FBXW10B: variants seen among roughly 807,000 people sequenced by gnomAD.
The protein encoded by FBXW10B is F-box and WD repeat domain containing protein 10B.
the FBXW10B span, among the ~76,000 whole-genome samples, chr17:15,587,889 A>T: frequency 6.6e-6 from 1 of 152,218 alleles, no homozygotes; most frequent in East Asian, 1.9e-4. Context: ...CACTACACAA[A>T]CATACCTTAC....
the FBXW10B span, among the ~76,000 whole-genome samples, chr17:15,604,745 GC>G: frequency 3.3e-5 from 5 of 152,074 alleles, no homozygotes; most frequent in Admixed American, 3.3e-4. Flanking sequence ...CACCATGTTA[GC>G]CAGGATGGTC....
At chr17:15,587,047 A>G in the FBXW10B span, among the ~76,000 whole-genome samples, 5,189 of 151,586 alleles carry the variant, frequency 0.034, 457 homozygotes, top group African/African-American at 0.11. Flanking sequence ...TAGTCACTAT[A>G]AGGAACGAAA....
chr17:15,566,037 G>C, the FBXW10B span: 1 of 1,609,480 alleles, frequency 6.2e-7, no homozygotes, highest in Admixed American at 1.7e-5. Flanking sequence ...GGATTTCAAG[G>C]GGAATACTGG....
the FBXW10B span, among the ~76,000 whole-genome samples, chr17:15,580,425 C>A: frequency 9.3e-5 from 14 of 150,954 alleles, no homozygotes; most frequent in South Asian, 3.0e-3. Context: ...GCAAGAGCAC[C>A]AACGTTTAAA....
chr17:15,593,435 CT>C, the FBXW10B span: 1 of 1,614,142 alleles, frequency 6.2e-7, no homozygotes, highest in South Asian at 1.1e-5. Context: ...AAATTCGGAT[CT>C]TGCCATCTGC....
At chr17:15,580,323 T>C in the FBXW10B span, among the ~76,000 whole-genome samples, 6 of 152,286 alleles carry the variant, frequency 3.9e-5, no homozygotes, top group Non-Finnish European at 7.4e-5. Context: ...CAGATTGTTC[T>C]TATATAAATT....
the FBXW10B span, among the ~76,000 whole-genome samples, chr17:15,602,093 G>C: frequency 2.0e-5 from 3 of 148,072 alleles, no homozygotes; most frequent in South Asian, 2.1e-4. Flanking sequence ...GCCTGGGCGA[G>C]AGAGCGAGAC....
the FBXW10B span, chr17:15,605,588 A>T: frequency 1.1e-6 from 1 of 922,362 alleles, no homozygotes; most frequent in Non-Finnish European, 1.3e-6. Flanking sequence ...ACAGGCTCTG[A>T]GGGATCCCCA....
chr17:15,566,948 G>A, the FBXW10B span, among the ~76,000 whole-genome samples: 1 of 151,756 alleles, frequency 6.6e-6, no homozygotes, highest in East Asian at 1.9e-4. Flanking sequence ...TGCAACAGAT[G>A]TGATTTCAAT....
At chr17:15,565,568 C>T in the FBXW10B span, 1 of 1,613,820 alleles carries the variant, frequency 6.2e-7, no homozygotes, top group Admixed American at 1.7e-5. Flanking sequence ...TCAGGGGCCG[C>T]TGTTTTCCCT....
chr17:15,572,684 T>C, the FBXW10B span: 1 of 149,390 alleles, frequency 6.7e-6, no homozygotes, highest in Non-Finnish European at 1.5e-5. Context: ...TGGGAGGGAG[T>C]GGATTGGAGT....
chr17:15,613,973 T>C, the FBXW10B span: 1 of 1,547,956 alleles, frequency 6.5e-7, no homozygotes, highest in Non-Finnish European at 8.8e-7. Context: ...TATGTCTGCT[T>C]TTCCAGAAAA....
the FBXW10B span, among the ~76,000 whole-genome samples, chr17:15,597,342 T>C: frequency 6.6e-6 from 1 of 150,586 alleles, no homozygotes; most frequent in Non-Finnish European, 1.5e-5. Context: ...AATGAAGAAG[T>C]TGATGCCGGG....
At chr17:15,588,169 TG>T in the FBXW10B span, among the ~76,000 whole-genome samples, 5 of 152,198 alleles carry the variant, frequency 3.3e-5, no homozygotes, top group Non-Finnish European at 5.9e-5. Context: ...GACCTCCCCT[TG>T]AAAATCCCGT....
At chr17:15,571,975 G>A in the FBXW10B span, 9 of 151,510 alleles carry the variant, frequency 5.9e-5, no homozygotes, top group African/African-American at 2.2e-4. Flanking sequence ...GGTGGGGGGA[G>A]GGGTGCGGGG....
chr17:15,617,737 A>G, the FBXW10B span, among the ~76,000 whole-genome samples: 1 of 152,168 alleles, frequency 6.6e-6, no homozygotes, highest in Non-Finnish European at 1.5e-5. Flanking sequence ...GCATTCCACC[A>G]TAAGTGGAAG....
chr17:15,566,952 T>C, the FBXW10B span, among the ~76,000 whole-genome samples: 1 of 151,818 alleles, frequency 6.6e-6, no homozygotes, highest in African/African-American at 2.4e-5. Context: ...ACAGATGTGA[T>C]TTCAATGCTA....
the FBXW10B span, among the ~76,000 whole-genome samples, chr17:15,599,173 CAAAAA>C: frequency 5.8e-5 from 4 of 69,224 alleles, no homozygotes; most frequent in South Asian, 2.1e-3. Context: ...GACTCTGTCT[CAAAAA>C]AAAAAAAAAA....
At chr17:15,612,343 TA>T in the FBXW10B span, among the ~76,000 whole-genome samples, 1,689 of 143,924 alleles carry the variant, frequency 0.012, 16 homozygotes, top group Middle Eastern at 0.032. Context: ...CCGCCTCTAC[TA>T]AAAAAAAAAA....
Sources: gnomAD v4.1 joint callset for allele counts (sites outside exome capture counted in the v4.1 genomes callset) on GRCh38, gnomAD v4.1.1 for gene constraint, MANE v1.5 for transcripts, NCBI Gene and HGNC (gene_info 2026-07-23, HGNC 2026-07-21) for gene names.